CACHD1: variants seen among roughly 807,000 people sequenced by gnomAD.
CACHD1 encodes the protein VWFA and cache domain-containing protein 1.
In CACHD1, 71 loss-of-function variants were observed where a neutral mutation model predicts 138.7. The ratio of observed to expected loss-of-function variants is 0.51; its 90% CI spans 0.42 to 0.62. The LOEUF (loss-of-function observed/expected upper bound fraction) is 0.62. Ranked by LOEUF, CACHD1 falls within the 20% of genes least tolerant of loss-of-function variation. The probability of loss-of-function intolerance (pLI) is 0.00; values close to 1 mark genes in which losing one functional copy is unlikely to be tolerated. For synonymous variants in CACHD1, 578 were observed against 591.5 expected, an observed-to-expected ratio of 0.98 and a Z score of 0.33; for missense variants, 1,389 against 1,625.3, an observed-to-expected ratio of 0.85 and a Z score of 2.50.
rs189636427 is a variant in CACHD1, at chr1:64,692,613, G to A, written c.*1052G>A. Reference sequence around the variant, plus strand: ...TAAGGGAAGAAGTTTTCTAAATTGTGAAAGTCTGGTTCTTAATTAAAGAAT... The same window carrying A: ...TAAGGGAAGAAGTTTTCTAAATTGTAAAAGTCTGGTTCTTAATTAAAGAAT... On this transcript the variant is annotated 3_prime_UTR_variant, in exon 27 of 27. Transcript: ENST00000651257. 1.2e-3 allele frequency: 187 copies of A among 152,176 alleles called. 1 individual carries two copies. The highest frequency in any genetic ancestry group is 4.4e-3 in the African/African-American group (182 of 41,496). 9.4% of individuals were successfully genotyped at this position (152,176 alleles called of 1,614,324 possible). A position where few individuals can be genotyped will look rare whatever the true frequency, so the allele number is the denominator to read the frequency against.
intron 2 of CACHD1, among the ~76,000 whole-genome samples, chr1:64,555,181 G>T (rs867511498): frequency 4.6e-5 from 7 of 151,754 alleles, no homozygotes; most frequent in Non-Finnish European, 8.8e-5. Flanking sequence ...TGGAGACAGG[G>T]TTTCTCCACG....
chr1:64,605,764 GC>G (rs1647318317), intron 4 of CACHD1, among the ~76,000 whole-genome samples: 1 of 152,110 alleles, frequency 6.6e-6, no homozygotes, highest in Admixed American at 6.5e-5. Flanking sequence ...CATCCTCATT[GC>G]CTTATTTTTT....
rs1026200460 is a variant in CACHD1 at position 64,647,794 on chromosome 1, A to G, written c.1157-7A>G. ...TTCCGTGGTCTTCTCTCGGCTTTCC[A>G]TTTTAGATGGGGTGACTGGTTTGAA... On this transcript the variant is annotated splice_polypyrimidine_tract_variant and splice_region_variant and intron_variant, in intron 8 of 26. Coordinates refer to ENST00000651257, the MANE Select transcript of CACHD1 (RefSeq NM_020925.4). 7.4e-6 allele frequency: 12 copies of G among 1,613,720 alleles called. No homozygotes were observed. The highest frequency in any genetic ancestry group is 7.6e-6 in the Non-Finnish European group (9 of 1,179,744).
chr1:64,622,294 C>G (rs1011763883), intron 4 of CACHD1, among the ~76,000 whole-genome samples: 1 of 152,232 alleles, frequency 6.6e-6, no homozygotes, highest in Non-Finnish European at 1.5e-5. Context: ...CATACATGCA[C>G]TATCAGCTCT....
At chr1:64,550,347 G>A (rs559660219) in intron 1 of CACHD1, among the ~76,000 whole-genome samples, 48 of 152,232 alleles carry the variant, frequency 3.2e-4, no homozygotes, top group African/African-American at 1.0e-3. Flanking sequence ...ATAATTAAAT[G>A]TATTTTTGAA....
intron 2 of CACHD1, among the ~76,000 whole-genome samples, chr1:64,560,225 G>A (rs10889488): frequency 0.81 from 123,244 of 151,612 alleles, 52,104 homozygotes; most frequent in South Asian, 0.94. Flanking sequence ...CTATTACACA[G>A]ATTTATGTTC....
In CACHD1 at chr1:64,673,272, G is replaced by A. The variant is rs372549604; in HGVS notation, c.2610+15G>A. 1.5e-5 allele frequency: 24 copies of A among 1,613,768 alleles called. No individual in the cohort carries two copies. Among genetic ancestry groups the A allele is most frequent in the Non-Finnish European group, 1.9e-5 (23 of 1,179,792 alleles). The stretch of plus-strand genomic sequence containing the variant: ...TCACCCACAAGGTATTTGTCACAAA[G>A]CTGAGCTGCTCAGTTCTCCAACCTC... On this transcript the variant is annotated intron_variant, in intron 18 of 26. Transcript: ENST00000651257.
chr1:64,516,988 A>C (rs1646463875), intron 1 of CACHD1, among the ~76,000 whole-genome samples: 1 of 152,184 alleles, frequency 6.6e-6, no homozygotes, highest in Non-Finnish European at 1.5e-5. Flanking sequence ...ATCTTGTGCA[A>C]GTCATTTAAG....
chr1:64,671,565 A>T lies in CACHD1; in HGVS notation c.2389A>T (p.Thr797Ser), dbSNP rs750457907. 6.2e-7 allele frequency: 1 copy of T among 1,614,022 alleles called. No homozygotes were observed. The highest frequency in any genetic ancestry group is 1.1e-5 in the South Asian group (1 of 91,072). Reference sequence around the variant, plus strand: ...CTCATTGATCTTTTTCACTTAAAGTACACAGCTGTCTTCTGGGCACACTGT... The same window carrying T: ...CTCATTGATCTTTTTCACTTAAAGTTCACAGCTGTCTTCTGGGCACACTGT... ...TISHTIHSSS[T>S]QLSSGHTVAV... Residue 797 changes from threonine to serine, a missense_variant and splice_region_variant, in exon 17 of 27, where the codon ACA becomes TCA. By Grantham distance (58) the Thr-to-Ser change is moderately conservative. Coordinates refer to ENST00000651257, the MANE Select transcript of CACHD1 (RefSeq NM_020925.4).
At chr1:64,687,797 G>A (rs994983050) in intron 26 of CACHD1, among the ~76,000 whole-genome samples, 6 of 152,042 alleles carry the variant, frequency 3.9e-5, no homozygotes, top group South Asian at 4.1e-4. Flanking sequence ...GTGGGGGGTG[G>A]GGCAGCAGTT....
rs546670270 is a variant in CACHD1, at chr1:64,599,627, T to C, written c.411-3179T>C. On this transcript the variant is annotated intron_variant, in intron 3 of 26. Coordinates refer to ENST00000651257, the MANE Select transcript of CACHD1 (RefSeq NM_020925.4). ...GTGAAACTACTTTATGATGGAGAAATGTTTATCAAGCACCTACTTTTGTTA... is the reference window on the plus strand; with the variant it reads ...GTGAAACTACTTTATGATGGAGAAACGTTTATCAAGCACCTACTTTTGTTA... Among the ~76,000 whole-genome samples, 15 of 152,306 alleles carry C rather than the reference T, an allele frequency of 9.8e-5. 1 individual carries two copies. The East Asian group carries it at 1.7e-3, about 18-fold the overall frequency.
intron 2 of CACHD1, among the ~76,000 whole-genome samples, chr1:64,561,505 T>C (rs1646838823): frequency 6.6e-6 from 1 of 152,220 alleles, no homozygotes; most frequent in South Asian, 2.1e-4. Context: ...TTTCTTGTAG[T>C]GAAGATACCC....
At position 64,671,676 on chromosome 1, in the gene CACHD1, A is replaced by G; in HGVS notation, c.2500A>G (p.Asn834Asp). 6.2e-7 allele frequency: 1 copy of G among 1,614,094 alleles called. No homozygotes were observed. The highest frequency in any genetic ancestry group is 1.3e-5 in the African/African-American group (1 of 75,046). The change falls in exon 17 of 27, where the codon AAC becomes GAC. Residue 834 changes from asparagine to aspartate, a missense_variant. Around this residue, in one of 5 missense-constraint regions of CACHD1, gnomAD observed 1,000 missense variants for 1,114.7 expected, o/e 0.90. Transcript: ENST00000651257. ...LLPVCNQDGG[N>D]KIRCFIMEDR... ...ACCTGTCTGTAACCAAGATGGTGGC[A>G]ACAAAATAAGGTAAGTGCTTTGGGG...
chr1:64,507,461 GTT>G (rs1046614380), intron 1 of CACHD1, among the ~76,000 whole-genome samples: 3 of 152,336 alleles, frequency 2.0e-5, no homozygotes, highest in Admixed American at 2.0e-4. Context: ...GAAAGGTGAT[GTT>G]TTTTACTTGT....
intron 26 of CACHD1, among the ~76,000 whole-genome samples, chr1:64,687,917 TA>T (rs1260160132): frequency 1.3e-5 from 2 of 152,138 alleles, no homozygotes; most frequent in African/African-American, 4.8e-5. Flanking sequence ...GATAGCCTTA[TA>T]TTTTTTATTA....
intron 5 of CACHD1, 69 bp from the exon 6 acceptor site, chr1:64,632,530 A>G: frequency 6.5e-7 from 1 of 1,539,572 alleles, no homozygotes; most frequent in Non-Finnish European, 8.9e-7. Context: ...TGTAGTGTTC[A>G]CAGCTGTGTT....
At chr1:64,608,458 T>C (rs1647408462) in intron 4 of CACHD1, among the ~76,000 whole-genome samples, 1 of 152,220 alleles carries the variant, frequency 6.6e-6, no homozygotes, top group Non-Finnish European at 1.5e-5. Flanking sequence ...AATTCATCAA[T>C]GGGCCCCTAA....
chr1:64,563,453 C>T (rs1646857806), intron 2 of CACHD1, among the ~76,000 whole-genome samples: 1 of 152,156 alleles, frequency 6.6e-6, no homozygotes, highest in African/African-American at 2.4e-5. Context: ...AGATATACTT[C>T]CAGATGTAGA....
At chr1:64,662,372 G>T (rs535270421) in intron 13 of CACHD1, among the ~76,000 whole-genome samples, 2 of 152,284 alleles carry the variant, frequency 1.3e-5, no homozygotes, top group African/African-American at 4.8e-5. Context: ...CAGTATCCTG[G>T]CTCCTAATTG....
Sources: allele counts gnomAD v4.1 joint callset (sites outside exome capture counted in the v4.1 genomes callset), GRCh38; gene constraint gnomAD v4.1.1; regional missense constraint gnomAD v4.1.1; transcripts MANE v1.5; gene names NCBI Gene and HGNC (gene_info 2026-07-23, HGNC 2026-07-21).